Variants in KIF17 observed in about 807,000 individuals in gnomAD.
The protein encoded by KIF17 is kinesin-like protein KIF17.
A neutral mutation model predicts 96.8 loss-of-function variants in KIF17; 80 were observed. The ratio of observed to expected loss-of-function variants is 0.83; its 90% CI spans 0.69 to 1.00. KIF17 has a LOEUF of 1.00. KIF17 is among the 50% of genes least tolerant of loss of function. The pLI, the probability that KIF17 is intolerant of heterozygous loss-of-function variation, is 0.00. For synonymous variants in KIF17, 567 were observed against 587.5 expected (o/e 0.97, Z 0.51); for missense variants, 1,280 against 1,372.9 (o/e 0.93, Z 1.07).
In KIF17 at chr1:20,687,151, C is replaced by T. The variant is rs72650871; in HGVS notation, c.1938+237G>A. Among the ~76,000 whole-genome samples the T allele has an allele frequency of 0.012, 1,805 of 152,288 alleles. 16 individuals are homozygous for T. Among genetic ancestry groups the T allele is most frequent in the Middle Eastern group, 0.037 (11 of 294 alleles). ...GCCCACCTGGCATAACCTTGCATCG[C>T]GACCCCAACTTTCTTATTGAATTAC... On this transcript the variant is annotated intron_variant, in intron 8 of 14. Transcript: ENST00000400463. This position sits in a 1 kb window ranked among gnomAD's most constrained non-coding sequence, Gnocchi z 4.4.
At chr1:20,695,149 T>C (rs1776341) in intron 6 of KIF17, among the ~76,000 whole-genome samples, 28 of 91,628 alleles carry the variant, frequency 3.1e-4, no homozygotes, top group Admixed American at 4.2e-4. Context: ...CACACACACA[T>C]GCATGTGCAC....
In KIF17 at chr1:20,700,111, G is replaced by A. The variant is rs373914493; in HGVS notation, c.1124-1623C>T. On this transcript the variant is annotated intron_variant, in intron 5 of 14. Transcript: ENST00000400463. This position sits in a 1 kb window ranked among gnomAD's most constrained non-coding sequence, Gnocchi z 4.6. ...TTTGAGACGGGGTCTTTGCTCTGTC[G>A]CCTAGGCTAGATGCAATCGTGTGAT... Among the ~76,000 whole-genome samples, 79 of 152,162 alleles carry A rather than the reference G, an allele frequency of 5.2e-4. No homozygotes were observed. The East Asian group carries it at 0.012, about 23-fold the overall frequency.
chr1:20,710,883 C>T (rs939644902), intron 3 of KIF17, among the ~76,000 whole-genome samples: 3 of 152,008 alleles, frequency 2.0e-5, no homozygotes, highest in African/African-American at 7.3e-5. Context: ...GGGGTCATAG[C>T]TGTTAGTGGG....
chr1:20,662,406 A>G (rs574646879), downstream of KIF17, among the ~76,000 whole-genome samples: 54 of 152,332 alleles, frequency 3.5e-4, no homozygotes, highest in African/African-American at 1.3e-3. Flanking sequence ...GACAGAAGGT[A>G]GCAGTTCCTT....
intron 10 of KIF17, among the ~76,000 whole-genome samples, chr1:20,683,165 C>G (rs549823626): frequency 6.6e-6 from 1 of 152,210 alleles, no homozygotes; most frequent in African/African-American, 2.4e-5. Context: ...GGACTTCCCA[C>G]GCTGGTGCTC....
Position 20,687,303 on chromosome 1 carries a change from AACAGTGTGTGC to A in KIF17, c.1938+74_1938+84del. On this transcript the variant is annotated intron_variant, in intron 8 of 14. Transcript: ENST00000400463. This position sits in a 1 kb window ranked among gnomAD's most constrained non-coding sequence, Gnocchi z 4.4. ...CTGAGTGTCGGAGGCCATGTGTGTGAACAGTGTGTGCACAGTGAGCTCCGGGCCCTGGGCAA... is the reference window on the plus strand; with the variant it reads ...CTGAGTGTCGGAGGCCATGTGTGTGAACAGTGAGCTCCGGGCCCTGGGCAA... The A allele has an allele frequency of 7.0e-7, 1 of 1,433,156 alleles. No homozygotes were observed. The highest frequency in any genetic ancestry group is 1.1e-5 in the South Asian group (1 of 87,270). 88.8% of individuals were successfully genotyped at this position (1,433,156 alleles called of 1,614,324 possible).
chr1:20,705,609 C>T (rs1333394818), intron 4 of KIF17, among the ~76,000 whole-genome samples: 5 of 152,206 alleles, frequency 3.3e-5, no homozygotes, highest in South Asian at 2.1e-4. Flanking sequence ...ATGGAGTCTA[C>T]GGTCCCCCAT....
chr1:20,708,765 G>C (rs556503007), intron 4 of KIF17, among the ~76,000 whole-genome samples: 2 of 152,316 alleles, frequency 1.3e-5, no homozygotes, highest in South Asian at 4.1e-4. Flanking sequence ...GATTTAAATG[G>C]AATGAAGGGT....
chr1:20,707,435 G>A (rs61778503), intron 4 of KIF17, among the ~76,000 whole-genome samples: 9,676 of 150,910 alleles, frequency 0.064, 396 homozygotes, highest in South Asian at 0.095. Context: ...CCTACATGGC[G>A]TAAGATTTCA....
Position 20,668,207 on chromosome 1 carries a change from G to T in KIF17, c.2791-1876C>A, listed in dbSNP as rs535589487. Among the ~76,000 whole-genome samples the T allele has an allele frequency of 2.5e-4, 38 of 152,132 alleles. No individual in the cohort carries two copies. In the East Asian group the frequency reaches 7.2e-3, roughly 29 times the overall value. ...CACCTGTAGTCCCAGCTACTTGGGA[G>T]GCTGAGGCAGGAGAATGGTGTGAAC... On this transcript the variant is annotated intron_variant, in intron 13 of 14. Coordinates refer to ENST00000400463, the MANE Select transcript of KIF17 (RefSeq NM_001122819.3).
chr1:20,708,822 C>A (rs1241153949), intron 4 of KIF17, among the ~76,000 whole-genome samples: 1 of 152,136 alleles, frequency 6.6e-6, no homozygotes. Context: ...CCCAAATAAA[C>A]ATGGATTTCT....
intron 5 of KIF17, among the ~76,000 whole-genome samples, chr1:20,702,117 A>G (rs2054248795): frequency 6.6e-6 from 1 of 152,252 alleles, no homozygotes; most frequent in Admixed American, 6.5e-5. Flanking sequence ...GACCTCAGGC[A>G]ATTTTCCCAG....
At position 20,685,950 on chromosome 1, in the gene KIF17, G is replaced by C; in HGVS notation, c.2019+96C>G. 1 of 1,050,568 alleles carries C rather than the reference G, an allele frequency of 9.5e-7. No homozygotes were observed. The highest frequency in any genetic ancestry group is 1.4e-6 in the Non-Finnish European group (1 of 691,028). 65.1% of individuals were successfully genotyped at this position (1,050,568 alleles called of 1,614,324 possible). On this transcript the variant is annotated intron_variant, in intron 9 of 14. Transcript: ENST00000400463. This position sits in a 1 kb window ranked among gnomAD's most constrained non-coding sequence, Gnocchi z 4.1. ...TTGTTGTTCTCAGCTCATGGATGAG[G>C]AAACTGAAGCTCAGGGAGGGAGAAG...
intron 6 of KIF17, among the ~76,000 whole-genome samples, chr1:20,691,029 G>T (rs1343572546): frequency 1.3e-5 from 2 of 151,862 alleles, no homozygotes; most frequent in East Asian, 4.0e-4. Context: ...GGCCGGGCGT[G>T]GTGGCTCATG....
At position 20,687,198 on chromosome 1, in the gene KIF17, C is replaced by T. The variant is rs1187577716; in HGVS notation, c.1938+190G>A. On this transcript the variant is annotated intron_variant, in intron 8 of 14. Transcript: ENST00000400463. The surrounding 1 kb of genome is among the most constrained non-coding windows in gnomAD (Gnocchi z 4.4). ...TTACAGAGCATGAGACAGAGCTTCT[C>T]CTTCCCTAACCCCTGGACACCAGTG... Among the ~76,000 whole-genome samples, 1 of 152,248 alleles carries T rather than the reference C, an allele frequency of 6.6e-6. No homozygotes were observed. Among genetic ancestry groups the T allele is most frequent in the Non-Finnish European group, 1.5e-5 (1 of 68,046 alleles).
chr1:20,710,967 G>A (rs1277046282), intron 3 of KIF17, among the ~76,000 whole-genome samples: 1 of 152,038 alleles, frequency 6.6e-6, no homozygotes, highest in Non-Finnish European at 1.5e-5. Flanking sequence ...GCTGAAGCTT[G>A]AGATGACAGA....
intron 5 of KIF17, among the ~76,000 whole-genome samples, chr1:20,703,673 C>T (rs958300663): frequency 3.3e-5 from 5 of 151,440 alleles, no homozygotes; most frequent in Non-Finnish European, 5.9e-5. Context: ...GGTGGATGAG[C>T]GGGTAGGTGA....
At position 20,698,384 on chromosome 1, in the gene KIF17, G is replaced by A. The variant is rs369680598; in HGVS notation, c.1228C>T (p.Arg410Trp). Residue 410 changes from arginine (R) to tryptophan (W), a missense_variant, in exon 6 of 15, where the codon CGG (arginine) becomes TGG (tryptophan). Physicochemically the swap from Arg to Trp is moderately radical, Grantham distance 101. Transcript: ENST00000400463. The stretch of plus-strand genomic sequence containing the variant: ...CCCACCCGCTTGGGTCTCACCTCCC[G>A]GATCAGCTGCTTCTCGGCCTCCACG... ...HDVEAEKQLI[R>W]EEYEERLARL... 53 of 1,612,478 alleles carry A rather than the reference G, an allele frequency of 3.3e-5. 1 individual carries two copies. In the Middle Eastern group the frequency reaches 2.3e-3, roughly 71 times the overall value.
intron 6 of KIF17, 36 bp downstream of exon 6, chr1:20,698,343 G>T: frequency 1.3e-6 from 2 of 1,486,306 alleles, no homozygotes; most frequent in Non-Finnish European, 1.9e-6. Flanking sequence ...CCACCTGCCT[G>T]TCCCTTCTCC....
Sources: gnomAD v4.1 joint callset for allele counts (sites outside exome capture counted in the v4.1 genomes callset) on GRCh38, gnomAD v4.1.1 for gene constraint, Gnocchi (gnomAD v3.1) non-coding constraint, MANE v1.5 for transcripts, NCBI Gene and HGNC (gene_info 2026-07-23, HGNC 2026-07-21) for gene names.